AVPR1A: variants seen among roughly 807,000 people sequenced by gnomAD.
The protein encoded by AVPR1A is arginine vasopressin receptor 1A.
In AVPR1A, 31 loss-of-function variants were observed where a neutral mutation model predicts 31.5. The ratio of observed to expected loss-of-function variants is 0.99; its 90% CI spans 0.74 to 1.33. The LOEUF (loss-of-function observed/expected upper bound fraction) is 1.33, where lower values mean the gene tolerates loss of function less well. Among genes scored for constraint, AVPR1A ranks in the 40% most tolerant of loss-of-function variants. AVPR1A has a pLI of 0.00. For missense variants in AVPR1A, 570 were observed against 575.2 expected, an observed-to-expected ratio of 0.99 and a Z score of 0.09; for synonymous variants, 243 against 233.2, an observed-to-expected ratio of 1.04 and a Z score of -0.38.
chr12:63,144,850 A>G lies in AVPR1A; in HGVS notation c.*2509T>C, dbSNP rs910847521. 3.9e-5 allele frequency: 6 copies of G among 152,604 alleles called. No individual in the cohort carries two copies. Among genetic ancestry groups the G allele is most frequent in the African/African-American group, 1.4e-4 (6 of 41,456 alleles). 9.5% of individuals were successfully genotyped at this position (152,604 alleles called of 1,614,324 possible). On this transcript the variant is annotated 3_prime_UTR_variant, in exon 2 of 2. Coordinates refer to ENST00000299178, the MANE Select transcript of AVPR1A (RefSeq NM_000706.5). Reference sequence around the variant, plus strand: ...TGTCTCATCTCCCAATACATTTAAAAGGAGAAAATACAACTGGGTAGGGTG... The same window carrying G: ...TGTCTCATCTCCCAATACATTTAAAGGGAGAAAATACAACTGGGTAGGGTG...
intron 1 of AVPR1A, 79 bp from the exon 2 acceptor site, chr12:63,147,724 A>G (rs1331055103): frequency 2.6e-5 from 37 of 1,428,706 alleles, no homozygotes; most frequent in Non-Finnish European, 3.6e-5. Context: ...ACTAATTAAG[A>G]AGGCATAAAC....
At position 63,150,684 on chromosome 12, in the gene AVPR1A, G is replaced by A. The variant is rs1169184656; in HGVS notation, c.153C>T (p.Ala51=). ...PPRDVRNEEL[A]KLEIAVLAVT... is the part of the protein sequence containing the mutation. ...CCGCCAGCACGGCGATCTCCAGTTT[G>A]GCCAGCTCCTCGTTGCGCACGTCCC... is the stretch of plus-strand genomic sequence containing the variant. The change falls in exon 1 of 2, where the codon GCC becomes GCT. Residue 51 remains alanine (A), a synonymous_variant. Coordinates refer to ENST00000299178, the MANE Select transcript of AVPR1A (RefSeq NM_000706.5). This position sits in a 1 kb window ranked among gnomAD's most constrained non-coding sequence, Gnocchi z 4.9. The A allele has an allele frequency of 6.2e-7, 1 of 1,608,024 alleles. No individual in the cohort carries two copies. The highest frequency in any genetic ancestry group is 1.7e-5 in the Admixed American group (1 of 59,988).
At position 63,149,925 on chromosome 12, in the gene AVPR1A, C is replaced by T; in HGVS notation, c.912G>A (p.Trp304Ter). Residue 304 changes from tryptophan to a stop codon, truncating the protein, a stop_gained, in exon 1 of 2, where the codon TGG becomes TGA. Coordinates refer to ENST00000299178, the MANE Select transcript of AVPR1A (RefSeq NM_000706.5). LOFTEE classifies it high-confidence loss of function. ...ACATCTGGATGATGAAGAAAGGCGC[C>T]CAGCAGACGATGTAAGCCGTCACGA... ...FVIVTAYIVC[W>*]APFFIIQMWS... The T allele has an allele frequency of 6.2e-7, 1 of 1,613,950 alleles. No homozygotes were observed. Among genetic ancestry groups the T allele is most frequent in the Non-Finnish European group, 8.5e-7 (1 of 1,180,004 alleles).
chr12:63,150,208 G>A lies in AVPR1A; in HGVS notation c.629C>T (p.Pro210Leu), dbSNP rs1868440745. 6.2e-7 allele frequency: 1 copy of A among 1,613,824 alleles called. No homozygotes were observed. Among genetic ancestry groups the A allele is most frequent in the Non-Finnish European group, 8.5e-7 (1 of 1,180,040 alleles). ...ARDCWATFIQPWGSRAYVTWM... is the reference protein window; with the variant it reads ...ARDCWATFIQLWGSRAYVTWM... Reference sequence around the variant, plus strand: ...GGTCACGTAGGCACGAGAACCCCAGGGCTGGATGAAGGTGGCCCAGCAGTC... The same window carrying A: ...GGTCACGTAGGCACGAGAACCCCAGAGCTGGATGAAGGTGGCCCAGCAGTC... Residue 210 changes from proline to leucine, a missense_variant, in exon 1 of 2, where the codon CCC becomes CTC. Coordinates refer to ENST00000299178, the MANE Select transcript of AVPR1A (RefSeq NM_000706.5). This position sits in a 1 kb window ranked among gnomAD's most constrained non-coding sequence, Gnocchi z 4.9.
chr12:63,150,717 G>T lies in AVPR1A; in HGVS notation c.120C>A (p.Gly40=). Residue 40 remains glycine, a synonymous_variant, in exon 1 of 2, where the codon GGC becomes GGA. Coordinates refer to ENST00000299178, the MANE Select transcript of AVPR1A (RefSeq NM_000706.5). This position sits in a 1 kb window ranked among gnomAD's most constrained non-coding sequence, Gnocchi z 4.9. ...REAEALGEGN[G]PPRDVRNEEL... is the part of the protein sequence containing the mutation. ...CCTCGTTGCGCACGTCCCTCGGTGG[G>T]CCGTTGCCCTCCCCGAGGGCTTCGG... The T allele has an allele frequency of 6.2e-7, 1 of 1,604,532 alleles. No individual in the cohort carries two copies.
In AVPR1A at chr12:63,150,040, A is replaced by G. The variant is rs1295525942; in HGVS notation, c.797T>C (p.Phe266Ser). 6.2e-7 allele frequency: 1 copy of G among 1,614,104 alleles called. No individual in the cohort carries two copies. The highest frequency in any genetic ancestry group is 1.7e-5 in the Admixed American group (1 of 60,026). Residue 266 changes from phenylalanine (F) to serine (S), a missense_variant, in exon 1 of 2, where the codon TTC (phenylalanine) becomes TCC (serine). By Grantham distance (155) the Phe-to-Ser change is radical (BLOSUM62 -2). Transcript: ENST00000299178. The surrounding 1 kb of genome is among the most constrained non-coding windows in gnomAD (Gnocchi z 4.9). Reference sequence around the variant, plus strand: ...GGGTGCGAGCAGGAACCCCTTTTGGAAGGCCACACCCGCTTGCTCTGCACC... The same window carrying G: ...GGGTGCGAGCAGGAACCCCTTTTGGGAGGCCACACCCGCTTGCTCTGCACC... ...SKGAEQAGVA[F>S]QKGFLLAPCV... is the part of the protein sequence containing the mutation.
rs1261605748 is a variant in AVPR1A, at chr12:63,150,949, C to T, written c.-113G>A. On this transcript the variant is annotated 5_prime_UTR_variant, in exon 1 of 2. Transcript: ENST00000299178. The surrounding 1 kb of genome is among the most constrained non-coding windows in gnomAD (Gnocchi z 4.9). ...CGTCCGAAGCGCAGGGTCTTTGGCG[C>T]GCTCGCAGCTTGCCGGGCTCTGCGA... The T allele has an allele frequency of 3.2e-5, 45 of 1,409,212 alleles. No homozygotes were observed. Among genetic ancestry groups the T allele is most frequent in the Non-Finnish European group, 4.6e-6 (5 of 1,077,318 alleles). 87.3% of individuals were successfully genotyped at this position (1,409,212 alleles called of 1,614,324 possible).
chr12:63,144,117 C>T lies in AVPR1A; in HGVS notation c.*3242G>A, dbSNP rs965680491. The T allele has an allele frequency of 4.0e-5, 6 of 151,140 alleles. No individual in the cohort carries two copies. The highest frequency in any genetic ancestry group is 8.8e-5 in the Non-Finnish European group (6 of 67,902). The allele number at this position is 151,140 out of a possible 1,614,324, so 9.4% of individuals were successfully genotyped here. A position where few individuals can be genotyped will look rare whatever the true frequency, so the allele number is the denominator to read the frequency against. On this transcript the variant is annotated 3_prime_UTR_variant, in exon 2 of 2. Transcript: ENST00000299178. ...CATTAAGACTGCTTAGTATTTTTTT[C>T]TCTAAAACCATACCCTTCCCGAAAT...
At position 63,150,173 on chromosome 12, in the gene AVPR1A, C is replaced by T. The variant is rs1463874984; in HGVS notation, c.664G>A (p.Gly222Ser). ...ACCACGGGCGCCACAAAGATGCCGC[C>T]CGTCATCCAGGTCACGTAGGCACGA... ...GSRAYVTWMT[G>S]GIFVAPVVIL... Residue 222 changes from glycine to serine, a missense_variant, in exon 1 of 2, where the codon GGC becomes AGC. Coordinates refer to ENST00000299178, the MANE Select transcript of AVPR1A (RefSeq NM_000706.5). The surrounding 1 kb of genome is among the most constrained non-coding windows in gnomAD (Gnocchi z 4.9). 1.2e-6 allele frequency: 2 copies of T among 1,613,994 alleles called. No homozygotes were observed. The highest frequency in any genetic ancestry group is 4.5e-5 in the East Asian group (2 of 44,878).
In AVPR1A at chr12:63,150,422, C is replaced by G. The variant is rs779608829; in HGVS notation, c.415G>C (p.Ala139Pro). 1 of 1,613,734 alleles carries G rather than the reference C, an allele frequency of 6.2e-7. No homozygotes were observed. The highest frequency in any genetic ancestry group is 8.5e-7 in the Non-Finnish European group (1 of 1,179,938). Residue 139 changes from alanine (A) to proline (P), a missense_variant, in exon 1 of 2, where the codon GCC (alanine) becomes CCC (proline). Physicochemically the swap from Ala to Pro is conservative, Grantham distance 27. Coordinates refer to ENST00000299178, the MANE Select transcript of AVPR1A (RefSeq NM_000706.5). This position sits in a 1 kb window ranked among gnomAD's most constrained non-coding sequence, Gnocchi z 4.9. ...GCTGTCATGACTACCAGCATGTAGG[C>G]CGACGCAAACATGCCGAACACCTGC... ...HLQVFGMFASAYMLVVMTADR... is the reference protein window; with the variant it reads ...HLQVFGMFASPYMLVVMTADR...
At chr12:63,149,512 C>T (rs1352095875) in intron 1 of AVPR1A, among the ~76,000 whole-genome samples, 1 of 152,094 alleles carries the variant, frequency 6.6e-6, no homozygotes, top group Non-Finnish European at 1.5e-5. Context: ...AGTCATTCTT[C>T]GGCTTTGTAG....
Position 63,143,998 on chromosome 12 carries a change from G to T in AVPR1A, c.*3361C>A, listed in dbSNP as rs918197803. 6.6e-6 allele frequency: 1 copy of T among 152,070 alleles called. No homozygotes were observed. Among genetic ancestry groups the T allele is most frequent in the Non-Finnish European group, 1.5e-5 (1 of 68,024 alleles). 9.4% of individuals were successfully genotyped at this position (152,070 alleles called of 1,614,324 possible). On this transcript the variant is annotated 3_prime_UTR_variant, in exon 2 of 2. Transcript: ENST00000299178. ...AAAACATCAAACTTTAACCTAATCG[G>T]GTTTCTTGTGTAATAACAGATGAAA...
At chr12:63,148,744 T>C (rs74889535) in intron 1 of AVPR1A, among the ~76,000 whole-genome samples, 2,083 of 152,330 alleles carry the variant, frequency 0.014, 28 homozygotes, top group Middle Eastern at 0.048. Flanking sequence ...TCAGTAAGAA[T>C]ATTTAAGTTA....
At position 63,150,298 on chromosome 12, in the gene AVPR1A, A is replaced by T; in HGVS notation, c.539T>A (p.Val180Glu). The change falls in exon 1 of 2, where the codon GTG (valine) becomes GAG (glutamate). Residue 180 changes from valine to glutamate, a missense_variant. Coordinates refer to ENST00000299178, the MANE Select transcript of AVPR1A (RefSeq NM_000706.5). The surrounding 1 kb of genome is among the most constrained non-coding windows in gnomAD (Gnocchi z 4.9). ...MIAAAWVLSF[V>E]LSTPQYFVFS... ...GACGAAGTACTGCGGCGTGCTCAGC[A>T]CGAAGCTCAGCACCCAGGCGGCCGC... 1 of 1,613,940 alleles carries T rather than the reference A, an allele frequency of 6.2e-7. No individual in the cohort carries two copies. Among genetic ancestry groups the T allele is most frequent in the Non-Finnish European group, 8.5e-7 (1 of 1,180,038 alleles).
In AVPR1A at chr12:63,150,876, C is replaced by T. The variant is rs1048242191; in HGVS notation, c.-40G>A. 1.4e-6 allele frequency: 2 copies of T among 1,478,808 alleles called. No individual in the cohort carries two copies. The highest frequency in any genetic ancestry group is 2.5e-5 in the Admixed American group (1 of 40,420). The allele number at this position is 1,478,808 out of a possible 1,614,324, so 91.6% of individuals were successfully genotyped here. A position where few individuals can be genotyped will look rare whatever the true frequency, so the allele number is the denominator to read the frequency against. On this transcript the variant is annotated 5_prime_UTR_variant, in exon 1 of 2. Transcript: ENST00000299178. This position sits in a 1 kb window ranked among gnomAD's most constrained non-coding sequence, Gnocchi z 4.9. ...TCCTACTCGGCCCTCTTCGGAGCTCCAGCCCTCGCGGGCCGCTCCCTCCCC... is the reference window on the plus strand; with the variant it reads ...TCCTACTCGGCCCTCTTCGGAGCTCTAGCCCTCGCGGGCCGCTCCCTCCCC...
chr12:63,147,623 G>A lies in AVPR1A; in HGVS notation c.993C>T (p.Thr331=), dbSNP rs759932397. 1.2e-6 allele frequency: 2 copies of A among 1,613,346 alleles called. No homozygotes were observed. The highest frequency in any genetic ancestry group is 1.1e-5 in the South Asian group (1 of 91,034). Reference sequence around the variant, plus strand: ...TCAAGGAACCCAGTAATGCAGTGATGGTGATGGTAGGGTTTTCCGATTCTG... The same window carrying A: ...TCAAGGAACCCAGTAATGCAGTGATAGTGATGGTAGGGTTTTCCGATTCTG... ...VWTESENPTI[T]ITALLGSLNS... Residue 331 remains threonine, a synonymous_variant, in exon 2 of 2, where the codon ACC becomes ACT. Transcript: ENST00000299178.
rs1399985243 is a variant in AVPR1A, at chr12:63,145,094, G to C, written c.*2265C>G. Reference sequence around the variant, plus strand: ...TGTTAAAAGGACTGACAGTCTTCGAGTGCTGGGTTACTGAGATGCTACTCT... The same window carrying C: ...TGTTAAAAGGACTGACAGTCTTCGACTGCTGGGTTACTGAGATGCTACTCT... On this transcript the variant is annotated 3_prime_UTR_variant, in exon 2 of 2. Transcript: ENST00000299178. 2 of 181,156 alleles carry C rather than the reference G, an allele frequency of 1.1e-5. No homozygotes were observed. The highest frequency in any genetic ancestry group is 3.0e-4 in the East Asian group (2 of 6,736). The allele number at this position is 181,156 out of a possible 1,614,324, so 11.2% of individuals were successfully genotyped here.
Position 63,150,965 on chromosome 12 carries a change from G to A in AVPR1A, c.-129C>T. On this transcript the variant is annotated 5_prime_UTR_variant, in exon 1 of 2. Coordinates refer to ENST00000299178, the MANE Select transcript of AVPR1A (RefSeq NM_000706.5). The surrounding 1 kb of genome is among the most constrained non-coding windows in gnomAD (Gnocchi z 4.9). ...TCTTTGGCGCGCTCGCAGCTTGCCGGGCTCTGCGATCCCTCCAGTGGGCGT... is the reference window on the plus strand; with the variant it reads ...TCTTTGGCGCGCTCGCAGCTTGCCGAGCTCTGCGATCCCTCCAGTGGGCGT... The A allele has an allele frequency of 7.4e-7, 1 of 1,356,700 alleles. No homozygotes were observed. Among genetic ancestry groups the A allele is most frequent in the East Asian group, 2.5e-5 (1 of 39,494 alleles). 84.0% of individuals were successfully genotyped at this position (1,356,700 alleles called of 1,614,324 possible). A position where few individuals can be genotyped will look rare whatever the true frequency, so the allele number is the denominator to read the frequency against.
rs1233023827 is a variant in AVPR1A, at chr12:63,150,135, G to C, written c.702C>G (p.Thr234=). ...TGTTGTAGCAGATGAAGCCGTAGCAGGTACCCAAGATGACCACGGGCGCCA... is the reference window on the plus strand; with the variant it reads ...TGTTGTAGCAGATGAAGCCGTAGCACGTACCCAAGATGACCACGGGCGCCA... ...IFVAPVVILG[T]CYGFICYNIW... Residue 234 remains threonine (T), a synonymous_variant, in exon 1 of 2, where the codon ACC becomes ACG. Transcript: ENST00000299178. This position sits in a 1 kb window ranked among gnomAD's most constrained non-coding sequence, Gnocchi z 4.9. 1.2e-6 allele frequency: 2 copies of C among 1,613,922 alleles called. No homozygotes were observed. The highest frequency in any genetic ancestry group is 8.5e-7 in the Non-Finnish European group (1 of 1,180,044).
Sources: allele counts gnomAD v4.1 joint callset (sites outside exome capture counted in the v4.1 genomes callset), GRCh38; gene constraint gnomAD v4.1.1; non-coding constraint Gnocchi (gnomAD v3.1); transcripts MANE v1.5; gene names NCBI Gene and HGNC (gene_info 2026-07-23, HGNC 2026-07-21).